TMIGD3: variants seen among roughly 807,000 people sequenced by gnomAD.
The protein encoded by TMIGD3 is transmembrane and immunoglobulin domain containing 3.
TMIGD3 carries 21 observed loss-of-function variants against 28.1 expected under a neutral mutation model. The ratio of observed to expected loss-of-function variants is 0.75; its 90% CI spans 0.53 to 1.08. The LOEUF is 1.08. Ranked by LOEUF, TMIGD3 falls within the 50% of genes least tolerant of loss-of-function variation. The pLI is 0.00. For missense variants in TMIGD3, 416 were observed against 435.6 expected, an observed-to-expected ratio of 0.96 and a Z score of 0.40; for synonymous variants, 151 against 162.1, an observed-to-expected ratio of 0.93 and a Z score of 0.52.
At chr1:111,500,676 A>ACTC (rs1655129636) in intron 1 of TMIGD3, 1 of 988,792 alleles carries the variant, frequency 1.0e-6, no homozygotes, top group African/African-American at 1.6e-5. Flanking sequence ...TAATTCTCCA[A>ACTC]TCTTCTGCTA....
chr1:111,549,194 A>G (rs1657153594), intron 1 of TMIGD3, among the ~76,000 whole-genome samples: 1 of 152,096 alleles, frequency 6.6e-6, no homozygotes, highest in Non-Finnish European at 1.5e-5. Flanking sequence ...GGTCTTATAG[A>G]AGGTGTTAGG....
At chr1:111,497,550 AT>A (rs1654948301) in intron 1 of TMIGD3, among the ~76,000 whole-genome samples, 1 of 152,202 alleles carries the variant, frequency 6.6e-6, no homozygotes, top group Non-Finnish European at 1.5e-5. Flanking sequence ...TCCTGGGCTT[AT>A]GGAACACCTT....
At chr1:111,523,716 G>A (rs570464514) in intron 1 of TMIGD3, among the ~76,000 whole-genome samples, 5 of 152,030 alleles carry the variant, frequency 3.3e-5, no homozygotes, top group African/African-American at 1.2e-4. Flanking sequence ...TTTGTTCCAT[G>A]TTATCTAAAT....
chr1:111,540,686 T>C (rs2101023353), intron 1 of TMIGD3, among the ~76,000 whole-genome samples: 1 of 152,342 alleles, frequency 6.6e-6, no homozygotes, highest in South Asian at 2.1e-4. Context: ...AGAGACTGGA[T>C]AATCACATCT....
intron 1 of TMIGD3, among the ~76,000 whole-genome samples, chr1:111,536,248 A>C (rs1224368911): frequency 1.3e-5 from 2 of 151,090 alleles, no homozygotes; most frequent in African/African-American, 4.9e-5. Context: ...TTTTTTAAGG[A>C]GAAAAAAAAC....
Position 111,483,566 on chromosome 1 carries a change from G to A in TMIGD3, c.*121C>T. On this transcript the variant is annotated 3_prime_UTR_variant, in exon 6 of 6. Transcript: ENST00000369716. Reference sequence around the variant, plus strand: ...CCTGGCTGCAAATGATTGTTGTCAAGGATAGAGGGTCCTTCAGAATTCCTG... The same window carrying A: ...CCTGGCTGCAAATGATTGTTGTCAAAGATAGAGGGTCCTTCAGAATTCCTG... 1 of 858,692 alleles carries A rather than the reference G, an allele frequency of 1.2e-6. No individual in the cohort carries two copies. Among genetic ancestry groups the A allele is most frequent in the South Asian group, 1.4e-5 (1 of 69,480 alleles). The allele number at this position is 858,692 out of a possible 1,614,324, so 53.2% of individuals were successfully genotyped here. A position where few individuals can be genotyped will look rare whatever the true frequency, so the allele number is the denominator to read the frequency against.
intron 2 of TMIGD3, 131 bp from the exon 3 acceptor site, chr1:111,489,155 T>A (rs762521342): frequency 1.3e-4 from 111 of 838,036 alleles, no homozygotes; most frequent in Non-Finnish European, 1.9e-4. Context: ...CTCTTTTTGA[T>A]TGGCAACTAT....
At chr1:111,549,293 G>A (rs369763107) in intron 1 of TMIGD3, among the ~76,000 whole-genome samples, 131 of 149,618 alleles carry the variant, frequency 8.8e-4, no homozygotes, top group African/African-American at 3.1e-3. Context: ...TATCAGTGAA[G>A]CCATCCAGTC....
At chr1:111,533,672 G>GC (rs1422069210) in intron 1 of TMIGD3, among the ~76,000 whole-genome samples, 2 of 152,088 alleles carry the variant, frequency 1.3e-5, no homozygotes, top group Non-Finnish European at 2.9e-5. Flanking sequence ...TCTTGCCTCA[G>GC]CCCCCCGAGT....
chr1:111,514,938 A>G (rs892686070), intron 1 of TMIGD3, among the ~76,000 whole-genome samples: 1 of 152,200 alleles, frequency 6.6e-6, no homozygotes, highest in Non-Finnish European at 1.5e-5. Flanking sequence ...GAATATTGAC[A>G]TTGAGCAAGG....
chr1:111,490,865 A>G, intron 1 of TMIGD3, 103 bp from the exon 2 acceptor site: 2 of 773,966 alleles, frequency 2.6e-6, no homozygotes, highest in Non-Finnish European at 4.4e-6. Context: ...CAGTGCTGCC[A>G]TGTATAGATA....
At chr1:111,557,771 A>G (rs1410804160) in intron 1 of TMIGD3, among the ~76,000 whole-genome samples, 1 of 152,208 alleles carries the variant, frequency 6.6e-6, no homozygotes. Flanking sequence ...TATATAAAAC[A>G]ATAAGTAAAA....
intron 1 of TMIGD3, among the ~76,000 whole-genome samples, chr1:111,544,480 T>G (rs1656964457): frequency 6.6e-6 from 1 of 152,226 alleles, no homozygotes; most frequent in Non-Finnish European, 1.5e-5. Flanking sequence ...GTCTAACTTA[T>G]TTCTTTCAGC....
intron 1 of TMIGD3, among the ~76,000 whole-genome samples, chr1:111,534,092 T>C (rs1329800910): frequency 6.6e-6 from 1 of 152,138 alleles, no homozygotes; most frequent in African/African-American, 2.4e-5. Context: ...ACGATATAGA[T>C]ATTATTATAT....
At chr1:111,497,841 G>T (rs1281274465) in intron 1 of TMIGD3, among the ~76,000 whole-genome samples, 1 of 152,170 alleles carries the variant, frequency 6.6e-6, no homozygotes, top group Non-Finnish European at 1.5e-5. Context: ...TGTTTCTATG[G>T]CAACGTAGTG....
At position 111,528,479 on chromosome 1, in the gene TMIGD3, C is replaced by T. The variant is rs183116588; in HGVS notation, c.107+35367G>A. Among the ~76,000 whole-genome samples, 10 of 152,148 alleles carry T rather than the reference C, an allele frequency of 6.6e-5. No homozygotes were observed. The East Asian group carries it at 1.5e-3, about 23-fold the overall frequency. The stretch of plus-strand genomic sequence containing the variant: ...CTCTGACTTTGTTCTCCTTTAATAT[C>T]GTGTTGGCTATTCTGGGTTTTTTGT... On this transcript the variant is annotated intron_variant, in intron 1 of 5. Transcript: ENST00000369717.
chr1:111,485,907 T>C, intron 4 of TMIGD3, 67 bp from the exon 5 acceptor site: 4 of 1,310,036 alleles, frequency 3.1e-6, no homozygotes, highest in Non-Finnish European at 4.3e-6. Context: ...CAGCTCTGGA[T>C]CCCTTTTTCT....
At chr1:111,561,511 G>GC (rs1657735441) in intron 1 of TMIGD3, among the ~76,000 whole-genome samples, 1 of 152,140 alleles carries the variant, frequency 6.6e-6, no homozygotes, top group African/African-American at 2.4e-5. Flanking sequence ...ATGTATTGGG[G>GC]GAAGGAGGGA....
At chr1:111,534,234 C>T (rs12028677) in intron 1 of TMIGD3, among the ~76,000 whole-genome samples, 22,527 of 152,142 alleles carry the variant, frequency 0.15, 1,961 homozygotes, top group East Asian at 0.47. Flanking sequence ...AATACAACCT[C>T]ATTCATTGTA....
Sources: allele counts gnomAD v4.1 joint callset (sites outside exome capture counted in the v4.1 genomes callset), GRCh38; gene constraint gnomAD v4.1.1; transcripts MANE v1.5; gene names NCBI Gene and HGNC (gene_info 2026-07-23, HGNC 2026-07-21).